CHRM5: variants seen among roughly 807,000 people sequenced by gnomAD.
The protein encoded by CHRM5 is muscarinic acetylcholine receptor M5.
CHRM5 carries 18 observed loss-of-function variants against 39.0 expected under a neutral mutation model. The observed-to-expected ratio is 0.46, with a 90% CI of 0.32 to 0.68. The LOEUF (loss-of-function observed/expected upper bound fraction) is 0.68, where lower values mean the gene tolerates loss of function less well. Among genes scored for constraint, CHRM5 ranks in the 30% least tolerant of loss-of-function variants. The pLI is 0.04. For synonymous variants in CHRM5, 241 were observed against 246.3 expected, an observed-to-expected ratio of 0.98 and a Z score of 0.20; for missense variants, 515 against 651.1, an observed-to-expected ratio of 0.79 and a Z score of 2.28.
At chr15:34,033,355 A>C (rs904707744) in intron 1 of CHRM5, among the ~76,000 whole-genome samples, 6 of 152,020 alleles carry the variant, frequency 3.9e-5, no homozygotes, top group Non-Finnish European at 8.8e-5. Flanking sequence ...AAATACAAAA[A>C]ATTAGCCGGG....
chr15:34,014,486 A>G (rs1209651172), intron 1 of CHRM5, among the ~76,000 whole-genome samples: 2 of 152,098 alleles, frequency 1.3e-5, no homozygotes, highest in East Asian at 1.9e-4. Context: ...AACTAGGGTA[A>G]CAAAATCAAA....
intron 1 of CHRM5, among the ~76,000 whole-genome samples, chr15:34,010,184 T>C (rs1341893084): frequency 6.6e-6 from 1 of 152,194 alleles, no homozygotes; most frequent in Non-Finnish European, 1.5e-5. Context: ...ATTTACTTAC[T>C]GAAGCTACCA....
At chr15:34,024,855 C>T (rs1436814859) in intron 1 of CHRM5, among the ~76,000 whole-genome samples, 1 of 97,056 alleles carries the variant, frequency 1.0e-5, no homozygotes, top group Non-Finnish European at 2.7e-5. Flanking sequence ...AGCAAGACTC[C>T]TTCTCAAAAA....
intron 2 of CHRM5, among the ~76,000 whole-genome samples, chr15:34,053,223 C>G (rs1204718142): frequency 6.8e-6 from 1 of 146,636 alleles, no homozygotes; most frequent in Non-Finnish European, 1.5e-5. Flanking sequence ...TTGCTTGAAC[C>G]CAGGAGGCAG....
chr15:34,017,544 G>A (rs1049867968), intron 1 of CHRM5, among the ~76,000 whole-genome samples: 14 of 141,434 alleles, frequency 9.9e-5, no homozygotes, highest in African/African-American at 3.6e-4. Context: ...GTGCAGTACT[G>A]CGATCAGCTT....
intron 2 of CHRM5, among the ~76,000 whole-genome samples, chr15:34,059,828 C>T (rs1306899758): frequency 3.9e-5 from 6 of 152,156 alleles, no homozygotes; most frequent in Non-Finnish European, 8.8e-5. Flanking sequence ...TCACAGGTGC[C>T]CCTATGGCAT....
intron 2 of CHRM5, among the ~76,000 whole-genome samples, chr15:34,050,781 A>T (rs1899902243): frequency 3.3e-5 from 5 of 152,242 alleles, no homozygotes; most frequent in Admixed American, 2.0e-4. Context: ...TAAAGGGTTC[A>T]ATTCAACAAG....
intron 1 of CHRM5, among the ~76,000 whole-genome samples, chr15:34,030,991 T>C (rs1161743919): frequency 6.6e-6 from 1 of 152,120 alleles, no homozygotes; most frequent in Non-Finnish European, 1.5e-5. Context: ...AAATCCAAAA[T>C]AGATGACTAT....
intron 1 of CHRM5, among the ~76,000 whole-genome samples, chr15:34,042,992 A>G (rs1229895572): frequency 1.3e-5 from 2 of 151,946 alleles, no homozygotes; most frequent in Non-Finnish European, 2.9e-5. Flanking sequence ...TCACGCCTGT[A>G]ATCCCAGCAC....
At chr15:34,028,673 G>A (rs1898614437) in intron 1 of CHRM5, among the ~76,000 whole-genome samples, 2 of 152,188 alleles carry the variant, frequency 1.3e-5, no homozygotes, top group South Asian at 4.1e-4. Flanking sequence ...TCTAATGTCA[G>A]TCCTTACAAC....
intron 1 of CHRM5, chr15:33,991,765 G>A (rs948464432): frequency 2.6e-5 from 4 of 152,068 alleles, no homozygotes; most frequent in Non-Finnish European, 5.9e-5. Flanking sequence ...AAGAAACAAG[G>A]AAGAGATGTG....
At chr15:33,988,492 C>T (rs1896577935) in intron 1 of CHRM5, among the ~76,000 whole-genome samples, 2 of 152,072 alleles carry the variant, frequency 1.3e-5, no homozygotes, top group Admixed American at 6.5e-5. Flanking sequence ...AGAATGTGCC[C>T]GTGTAACACA....
chr15:34,005,746 A>G (rs1897312457), intron 1 of CHRM5, among the ~76,000 whole-genome samples: 1 of 152,232 alleles, frequency 6.6e-6, no homozygotes, highest in Non-Finnish European at 1.5e-5. Flanking sequence ...CAAATTTAAC[A>G]CTAGTCAATA....
At chr15:34,005,542 G>A (rs1897305545) in intron 1 of CHRM5, among the ~76,000 whole-genome samples, 1 of 152,136 alleles carries the variant, frequency 6.6e-6, no homozygotes, top group Non-Finnish European at 1.5e-5. Context: ...TGAACCCTTT[G>A]TTACAGCACA....
At chr15:34,045,696 T>G (rs888530950) in intron 1 of CHRM5, among the ~76,000 whole-genome samples, 1 of 150,562 alleles carries the variant, frequency 6.6e-6, no homozygotes, top group Non-Finnish European at 1.5e-5. Context: ...GCATAAAGCT[T>G]CTCATAAAAA....
At chr15:34,028,393 C>T (rs1770784486) in intron 1 of CHRM5, among the ~76,000 whole-genome samples, 1 of 151,954 alleles carries the variant, frequency 6.6e-6, no homozygotes, top group African/African-American at 2.4e-5. Flanking sequence ...GGCAAAATCC[C>T]GTCTCTATAA....
At chr15:34,035,743 T>C (rs977833074) in intron 1 of CHRM5, among the ~76,000 whole-genome samples, 2 of 152,174 alleles carry the variant, frequency 1.3e-5, no homozygotes, top group African/African-American at 4.8e-5. Flanking sequence ...AGATAAATAC[T>C]AAACAATCCT....
chr15:34,040,861 A>G (rs1439957233), intron 1 of CHRM5, among the ~76,000 whole-genome samples: 3 of 151,340 alleles, frequency 2.0e-5, no homozygotes, highest in Admixed American at 6.6e-5. Flanking sequence ...GGCTGTAGTG[A>G]GCTGTGATTG....
At chr15:34,018,702 T>C (rs1597357410) in intron 1 of CHRM5, among the ~76,000 whole-genome samples, 1 of 152,206 alleles carries the variant, frequency 6.6e-6, no homozygotes. Flanking sequence ...CTGGCTGGGG[T>C]GACCAGCTTT....
Sources: gnomAD v4.1 joint callset for allele counts (sites outside exome capture counted in the v4.1 genomes callset) on GRCh38, gnomAD v4.1.1 for gene constraint, MANE v1.5 for transcripts, NCBI Gene and HGNC (gene_info 2026-07-23, HGNC 2026-07-21) for gene names.